Variants in ACKR3 observed in about 807,000 individuals in gnomAD.
ACKR3 encodes C-X-C chemokine receptor type 7.
A neutral mutation model predicts 22.4 loss-of-function variants in ACKR3; 6 were observed. That is an observed-to-expected ratio of 0.27 (90% CI 0.15 to 0.53). The LOEUF is 0.53. Among genes scored for constraint, ACKR3 ranks in the 20% least tolerant of loss-of-function variants. ACKR3 has a pLI of 0.96. For missense variants in ACKR3, 396 were observed against 475.2 expected (o/e 0.83, Z 1.55); for synonymous variants, 209 against 205.2 (o/e 1.02, Z -0.16).
chr2:236,556,192 C>T, the ACKR3 span, among the ~76,000 whole-genome samples: 3 of 152,272 alleles, frequency 2.0e-5, no homozygotes, highest in South Asian at 4.1e-4. Flanking sequence ...AGGACATCCA[C>T]ACCAGGGGAC....
At chr2:236,573,957 G>GAA (rs1387053193) in intron 1 of ACKR3, among the ~76,000 whole-genome samples, 3 of 152,128 alleles carry the variant, frequency 2.0e-5, no homozygotes, top group Admixed American at 6.5e-5. Flanking sequence ...TGCCTTCCTG[G>GAA]AACATCCTTG....
rs537283248 is a variant in ACKR3 at position 236,574,161 on chromosome 2, G to C, written c.-27+4237G>C. Reference sequence around the variant, plus strand: ...TGTTGTCCTCACGTGCCCCAGAGCAGTGCCTCCTGGAACAAGAGGCTCAGT... The same window carrying C: ...TGTTGTCCTCACGTGCCCCAGAGCACTGCCTCCTGGAACAAGAGGCTCAGT... On this transcript the variant is annotated intron_variant, in intron 1 of 1. Transcript: ENST00000272928. This position sits in a 1 kb window ranked among gnomAD's most constrained non-coding sequence, Gnocchi z 5.6. 4.2e-4 allele frequency among the ~76,000 whole-genome samples: 64 copies of C among 152,162 alleles called. No individual in the cohort carries two copies. The highest frequency in any genetic ancestry group is 1.5e-3 in the African/African-American group (62 of 41,518).
rs867283816 is a variant in ACKR3 at position 236,577,708 on chromosome 2, G to A, written c.-26-2732G>A. Among the ~76,000 whole-genome samples, 2 of 152,190 alleles carry A rather than the reference G, an allele frequency of 1.3e-5. No homozygotes were observed. Among genetic ancestry groups the A allele is most frequent in the South Asian group, 4.1e-4 (2 of 4,826 alleles). ...GAGCCAGAGGAATGTCACCATGGTG[G>A]GGGAGAGAGGTGGGGCGGATTCGGG... is the stretch of plus-strand genomic sequence containing the variant. On this transcript the variant is annotated intron_variant, in intron 1 of 1. Transcript: ENST00000272928. This position sits in a 1 kb window ranked among gnomAD's most constrained non-coding sequence, Gnocchi z 5.6.
At chr2:236,571,005 GTTCTTTTC>G (rs1175131687) in intron 1 of ACKR3, among the ~76,000 whole-genome samples, 1 of 152,148 alleles carries the variant, frequency 6.6e-6, no homozygotes, top group African/African-American at 2.4e-5. Context: ...TGGTAACTTT[GTTCTTTTC>G]TTTTTTAAAG....
At chr2:236,567,485 GAA>G (rs1276215616), upstream of ACKR3, among the ~76,000 whole-genome samples, 2 of 152,186 alleles carry the variant, frequency 1.3e-5, no homozygotes, top group Non-Finnish European at 2.9e-5. Flanking sequence ...TCAAAACTTT[GAA>G]AAGAGACTTT....
At chr2:236,554,653 C>A in the ACKR3 span, among the ~76,000 whole-genome samples, 1 of 152,144 alleles carries the variant, frequency 6.6e-6, no homozygotes, top group Non-Finnish European at 1.5e-5. Context: ...TAGAGGCACC[C>A]AGCGCAAACA....
the ACKR3 span, among the ~76,000 whole-genome samples, chr2:236,555,821 A>G: frequency 2.3e-5 from 2 of 88,250 alleles, no homozygotes; most frequent in Non-Finnish European, 1.8e-5. Flanking sequence ...ACCTTAAAGG[A>G]AAAAAAAAAA....
chr2:236,576,682 CT>C (rs1247757274), intron 1 of ACKR3, among the ~76,000 whole-genome samples: 3 of 152,264 alleles, frequency 2.0e-5, no homozygotes, highest in Admixed American at 2.0e-4. Context: ...CCTAAACGTC[CT>C]GCACGCAGGC....
At chr2:236,548,833 A>G in the ACKR3 span, among the ~76,000 whole-genome samples, 1 of 152,200 alleles carries the variant, frequency 6.6e-6, no homozygotes, top group Non-Finnish European at 1.5e-5. The surrounding 1 kb of genome is among the most constrained non-coding windows in gnomAD (Gnocchi z 4.3). Context: ...TACTTACTGG[A>G]TGAGTTTCTT....
chr2:236,557,822 T>C, the ACKR3 span, among the ~76,000 whole-genome samples: 1 of 152,106 alleles, frequency 6.6e-6, no homozygotes, highest in South Asian at 2.1e-4. Context: ...ACTGGATGGG[T>C]TGCCATGAGA....
the ACKR3 span, among the ~76,000 whole-genome samples, chr2:236,540,153 T>A: frequency 6.6e-6 from 1 of 152,248 alleles, no homozygotes; most frequent in East Asian, 1.9e-4. Flanking sequence ...GCCAGCAATA[T>A]GTGAGTATTC....
chr2:236,553,012 G>A, the ACKR3 span, among the ~76,000 whole-genome samples: 1 of 152,188 alleles, frequency 6.6e-6, no homozygotes, highest in African/African-American at 2.4e-5. Context: ...TTGGTGGTTG[G>A]AATGACACTG....
At chr2:236,544,508 G>T in the ACKR3 span, among the ~76,000 whole-genome samples, 51 of 152,222 alleles carry the variant, frequency 3.4e-4, 1 homozygote, top group Non-Finnish European at 1.3e-4. The surrounding 1 kb of genome is among the most constrained non-coding windows in gnomAD (Gnocchi z 5.0). Flanking sequence ...TGCCAGGGCT[G>T]GGGGGCTGCT....
chr2:236,581,736 G>C lies in ACKR3; in HGVS notation c.*182G>C. The stretch of plus-strand genomic sequence containing the variant: ...TTGATGACGCAGCTGTCATTTGGCT[G>C]TGCGTGCTGACAGTTTTGCAACAGG... On this transcript the variant is annotated 3_prime_UTR_variant, in exon 2 of 2. Transcript: ENST00000272928. This position sits in a 1 kb window ranked among gnomAD's most constrained non-coding sequence, Gnocchi z 4.4. 5.0e-6 allele frequency: 4 copies of C among 798,240 alleles called. No individual in the cohort carries two copies. Among genetic ancestry groups the C allele is most frequent in the Non-Finnish European group, 7.7e-6 (4 of 518,350 alleles). The allele number at this position is 798,240 out of a possible 1,614,324, so 49.4% of individuals were successfully genotyped here. A position where few individuals can be genotyped will look rare whatever the true frequency, so the allele number is the denominator to read the frequency against.
At chr2:236,537,367 C>T in the ACKR3 span, among the ~76,000 whole-genome samples, 10 of 152,300 alleles carry the variant, frequency 6.6e-5, no homozygotes, top group East Asian at 1.3e-3. Flanking sequence ...CTGGTTTTGC[C>T]TAGTACAAGG....
At chr2:236,563,779 T>A (rs1373812700), upstream of ACKR3, among the ~76,000 whole-genome samples, 1 of 152,138 alleles carries the variant, frequency 6.6e-6, no homozygotes, top group Non-Finnish European at 1.5e-5. Flanking sequence ...TAACGTGGGT[T>A]TACTGCCCAG....
At position 236,581,654 on chromosome 2, in the gene ACKR3, T is replaced by C. The variant is rs1691541455; in HGVS notation, c.*100T>C. 6.9e-7 allele frequency: 1 copy of C among 1,446,200 alleles called. No homozygotes were observed. Among genetic ancestry groups the C allele is most frequent in the Non-Finnish European group, 9.3e-7 (1 of 1,073,988 alleles). 89.6% of individuals were successfully genotyped at this position (1,446,200 alleles called of 1,614,324 possible). On this transcript the variant is annotated 3_prime_UTR_variant, in exon 2 of 2. Coordinates refer to ENST00000272928, the MANE Select transcript of ACKR3 (RefSeq NM_020311.3). This position sits in a 1 kb window ranked among gnomAD's most constrained non-coding sequence, Gnocchi z 4.4. The stretch of plus-strand genomic sequence containing the variant: ...AAAGCAAAGTAGCTTCGGGTCTTGA[T>C]GCTTGAGTAGAGTGAAGAGGGGAGC...
the ACKR3 span, among the ~76,000 whole-genome samples, chr2:236,542,962 G>A: frequency 3.5e-5 from 3 of 86,298 alleles, no homozygotes; most frequent in African/African-American, 8.0e-4. Flanking sequence ...CGGGCCCTGT[G>A]ATAAATGTCA....
chr2:236,564,234 C>T (rs1389597005), upstream of ACKR3, among the ~76,000 whole-genome samples: 1 of 152,142 alleles, frequency 6.6e-6, no homozygotes, highest in African/African-American at 2.4e-5. Flanking sequence ...CTATTGGAGG[C>T]CTCTAAAGGG....
Sources: gnomAD v4.1 joint callset for allele counts (sites outside exome capture counted in the v4.1 genomes callset) on GRCh38, gnomAD v4.1.1 for gene constraint, Gnocchi (gnomAD v3.1) non-coding constraint, MANE v1.5 for transcripts, NCBI Gene and HGNC (gene_info 2026-07-23, HGNC 2026-07-21) for gene names.